SLAIN1: variants seen among roughly 807,000 people sequenced by gnomAD.
SLAIN1 encodes the protein SLAIN motif-containing protein 1.
SLAIN1 carries 17 observed loss-of-function variants against 55.4 expected under a neutral mutation model. The ratio of observed to expected loss-of-function variants is 0.31; its 90% CI spans 0.21 to 0.46. The LOEUF is 0.46. Ranked by LOEUF, SLAIN1 falls within the 20% of genes least tolerant of loss-of-function variation. The pLI is 1.00. For synonymous variants in SLAIN1, 348 were observed against 337.4 expected (o/e 1.03, Z -0.35); for missense variants, 682 against 785.1 (o/e 0.87, Z 1.57).
intron 2 of SLAIN1, among the ~76,000 whole-genome samples, chr13:77,734,199 G>A (rs1873006454): frequency 6.6e-6 from 1 of 151,984 alleles, no homozygotes; most frequent in Non-Finnish European, 1.5e-5. Flanking sequence ...GGTGGTTTAT[G>A]GGTTTGGGTC....
intron 1 of SLAIN1, among the ~76,000 whole-genome samples, chr13:77,716,330 C>T (rs1360179344): frequency 2.0e-4 from 3 of 15,268 alleles, no homozygotes; most frequent in Non-Finnish European, 2.9e-4. Context: ...TATAGCTCTC[C>T]ATTTTTTTTT....
chr13:77,759,696 A>T (rs1187523286), intron 5 of SLAIN1, among the ~76,000 whole-genome samples: 1 of 152,168 alleles, frequency 6.6e-6, no homozygotes, highest in Non-Finnish European at 1.5e-5. Context: ...TGTTGAGATG[A>T]TCATATAGTT....
At chr13:77,722,983 G>T (rs769871980) in intron 2 of SLAIN1, among the ~76,000 whole-genome samples, 1 of 152,090 alleles carries the variant, frequency 6.6e-6, no homozygotes, top group Non-Finnish European at 1.5e-5. Flanking sequence ...CCTGATCTCA[G>T]GTAGTCCACC....
At chr13:77,710,886 C>T (rs1317015847) in intron 1 of SLAIN1, among the ~76,000 whole-genome samples, 1 of 152,120 alleles carries the variant, frequency 6.6e-6, no homozygotes, top group Non-Finnish European at 1.5e-5. Context: ...ATAACAGTCT[C>T]TCAGACCACA....
In SLAIN1 at chr13:77,725,114, G is replaced by T. The variant is rs564878442; in HGVS notation, c.766+5443G>T. On this transcript the variant is annotated intron_variant, in intron 2 of 6. Coordinates refer to ENST00000418532, the MANE Select transcript of SLAIN1 (RefSeq NM_001242868.2). ...AACTATTACTACTGTTTCAGTTTTG[G>T]TGTTGAATAATTTAAGATGGGTCGG... is the stretch of plus-strand genomic sequence containing the variant. Among the ~76,000 whole-genome samples, 4 of 152,248 alleles carry T rather than the reference G, an allele frequency of 2.6e-5. No homozygotes were observed. In the East Asian group the frequency reaches 7.7e-4, roughly 29 times the overall value.
chr13:77,729,752 G>T (rs1316021965), intron 2 of SLAIN1, among the ~76,000 whole-genome samples: 1 of 152,128 alleles, frequency 6.6e-6, no homozygotes, highest in African/African-American at 2.4e-5. Context: ...CAGATGACAA[G>T]ATAGCAGTTC....
At chr13:77,723,904 G>A (rs888366044) in intron 2 of SLAIN1, among the ~76,000 whole-genome samples, 7 of 144,966 alleles carry the variant, frequency 4.8e-5, no homozygotes, top group African/African-American at 1.5e-4. Context: ...TCTTGATTTT[G>A]TTGCTGTTGT....
intron 2 of SLAIN1, among the ~76,000 whole-genome samples, chr13:77,740,413 A>G (rs1282666573): frequency 1.3e-5 from 2 of 151,988 alleles, no homozygotes; most frequent in African/African-American, 4.8e-5. Context: ...AACTGTGCCA[A>G]GTATCGTACA....
chr13:77,705,824 A>G (rs1027796352), intron 1 of SLAIN1, among the ~76,000 whole-genome samples: 10 of 151,862 alleles, frequency 6.6e-5, no homozygotes, highest in African/African-American at 2.4e-4. Context: ...GTCATACTTC[A>G]TTGGAAACAT....
intron 1 of SLAIN1, among the ~76,000 whole-genome samples, chr13:77,713,621 C>T (rs2091175252): frequency 6.6e-6 from 1 of 152,162 alleles, no homozygotes; most frequent in South Asian, 2.1e-4. Flanking sequence ...GGCGATTCCT[C>T]AAGGATCTAG....
At chr13:77,744,712 G>T (rs780016707) in intron 3 of SLAIN1, among the ~76,000 whole-genome samples, 4 of 152,052 alleles carry the variant, frequency 2.6e-5, no homozygotes, top group Admixed American at 2.6e-4. Context: ...CAACTTCCAT[G>T]TGGCCCAGCA....
chr13:77,747,758 G>A (rs758494975), intron 4 of SLAIN1, among the ~76,000 whole-genome samples: 5 of 152,138 alleles, frequency 3.3e-5, no homozygotes, highest in Non-Finnish European at 7.4e-5. Flanking sequence ...ACAGGGTAAT[G>A]GGAAATTGAT....
At chr13:77,739,928 C>T (rs765897963) in intron 2 of SLAIN1, among the ~76,000 whole-genome samples, 12 of 151,796 alleles carry the variant, frequency 7.9e-5, no homozygotes, top group East Asian at 1.9e-4. Flanking sequence ...AATAAGAGAC[C>T]GTTAGTCACC....
intron 2 of SLAIN1, among the ~76,000 whole-genome samples, chr13:77,739,603 G>A (rs1873308822): frequency 6.6e-6 from 1 of 152,012 alleles, no homozygotes; most frequent in Admixed American, 6.6e-5. Flanking sequence ...TATGTGTAGA[G>A]ACATGTCTAT....
At chr13:77,724,731 A>G (rs2091292129) in intron 2 of SLAIN1, among the ~76,000 whole-genome samples, 1 of 149,290 alleles carries the variant, frequency 6.7e-6, no homozygotes, top group African/African-American at 2.6e-5. Flanking sequence ...TAATTCTCTA[A>G]TAAAGCATTT....
chr13:77,736,629 T>C (rs1873133156), intron 2 of SLAIN1, among the ~76,000 whole-genome samples: 2 of 152,100 alleles, frequency 1.3e-5, no homozygotes. Context: ...CTGCCTGACC[T>C]GCTAACACTG....
Position 77,718,954 on chromosome 13 carries a change from TA to T in SLAIN1, c.627-575del, listed in dbSNP as rs1029353233. Reference sequence around the variant, plus strand: ...TGAAGTCTTCGTAAAACATATCTTTTAAAGCTCTTTGTTTGGCTTTAATGAA... The same window carrying T: ...TGAAGTCTTCGTAAAACATATCTTTTAAGCTCTTTGTTTGGCTTTAATGAA... On this transcript the variant is annotated intron_variant, in intron 1 of 6. Transcript: ENST00000418532. Among the ~76,000 whole-genome samples, 184 of 152,230 alleles carry T rather than the reference TA, an allele frequency of 1.2e-3. 1 individual carries two copies. Among genetic ancestry groups the T allele is most frequent in the African/African-American group, 4.2e-3 (175 of 41,568 alleles).
chr13:77,743,132 T>A, intron 2 of SLAIN1: 1 of 1,302,824 alleles, frequency 7.7e-7, no homozygotes, highest in African/African-American at 1.5e-5. Flanking sequence ...CTCTAAAACC[T>A]CAAATAAAGC....
At chr13:77,700,348 A>G (rs1460615960) in intron 1 of SLAIN1, among the ~76,000 whole-genome samples, 1 of 152,224 alleles carries the variant, frequency 6.6e-6, no homozygotes, top group Non-Finnish European at 1.5e-5. Flanking sequence ...GTTCTATTTC[A>G]TTCAACAAGT....
Sources: gnomAD v4.1 joint callset for allele counts (sites outside exome capture counted in the v4.1 genomes callset) on GRCh38, gnomAD v4.1.1 for gene constraint, MANE v1.5 for transcripts, NCBI Gene and HGNC (gene_info 2026-07-23, HGNC 2026-07-21) for gene names.